GSK3B: variants seen among roughly 807,000 people sequenced by gnomAD.
The protein encoded by GSK3B is glycogen synthase kinase 3 beta, also known as glycogen synthase kinase-3 beta.
In GSK3B, 15 loss-of-function variants were observed where a neutral mutation model predicts 56.4. That is an observed-to-expected ratio of 0.27 (90% CI 0.18 to 0.41). The LOEUF (loss-of-function observed/expected upper bound fraction) is 0.41, where lower values mean the gene tolerates loss of function less well. GSK3B is among the 10% of genes least tolerant of loss of function. The probability of loss-of-function intolerance (pLI) is 1.00; values close to 1 mark genes in which losing one functional copy is unlikely to be tolerated. For missense variants in GSK3B, 300 were observed against 513.4 expected (o/e 0.58, Z 4.02); for synonymous variants, 181 against 188.9 (o/e 0.96, Z 0.34).
intron 3 of GSK3B, among the ~76,000 whole-genome samples, chr3:119,932,368 G>C (rs897030590): frequency 1.3e-5 from 2 of 152,086 alleles, no homozygotes; most frequent in African/African-American, 4.8e-5. Context: ...TGTGGATTAG[G>C]TAAGAGAATA....
chr3:119,928,527 C>A (rs2056909713), intron 3 of GSK3B, among the ~76,000 whole-genome samples: 1 of 147,136 alleles, frequency 6.8e-6, no homozygotes, highest in African/African-American at 2.5e-5. Flanking sequence ...ATCGCTTGAA[C>A]CCAGGAGGCA....
rs777401016 is a variant in GSK3B, at chr3:119,826,371, A to T, written c.*417T>A. ...GTGCACTATACCAAAGTCTCACACT[A>T]GACTTTAAAAGAAAACAAAGTTCAA... On this transcript the variant is annotated 3_prime_UTR_variant, in exon 11 of 11. Transcript: ENST00000264235. 6.6e-5 allele frequency: 27 copies of T among 410,216 alleles called. No homozygotes were observed. Among genetic ancestry groups the T allele is most frequent in the Non-Finnish European group, 1.1e-4 (25 of 221,132 alleles). 25.4% of individuals were successfully genotyped at this position (410,216 alleles called of 1,614,324 possible).
At chr3:119,879,529 C>T (rs1016798004) in intron 7 of GSK3B, among the ~76,000 whole-genome samples, 12 of 151,908 alleles carry the variant, frequency 7.9e-5, no homozygotes, top group Admixed American at 3.9e-4. Flanking sequence ...AGGTATTTTT[C>T]GATATTTAAT....
intron 5 of GSK3B, among the ~76,000 whole-genome samples, chr3:119,914,756 G>A (rs1173293986): frequency 6.6e-6 from 1 of 152,028 alleles, no homozygotes; most frequent in Non-Finnish European, 1.5e-5. Context: ...TGACAGAACA[G>A]ATTTACTTAT....
intron 1 of GSK3B, among the ~76,000 whole-genome samples, chr3:120,006,320 C>G (rs1057415914): frequency 4.6e-5 from 7 of 152,182 alleles, no homozygotes; most frequent in Admixed American, 3.9e-4. Context: ...TAATGGGAGA[C>G]TTTAACACCC....
intron 8 of GSK3B, among the ~76,000 whole-genome samples, chr3:119,865,461 TATA>T: frequency 5.0e-5 from 1 of 19,916 alleles, no homozygotes; most frequent in Non-Finnish European, 1.2e-4. Flanking sequence ...TATATATATA[TATA>T]TATTTTTTTT....
chr3:119,846,968 T>G (rs1467036997), intron 9 of GSK3B, among the ~76,000 whole-genome samples: 1 of 152,156 alleles, frequency 6.6e-6, no homozygotes, highest in Non-Finnish European at 1.5e-5. Context: ...AAAAAAAGAA[T>G]GAGTTCATGT....
At chr3:120,069,692 A>G (rs924250931) in intron 1 of GSK3B, among the ~76,000 whole-genome samples, 1 of 152,176 alleles carries the variant, frequency 6.6e-6, no homozygotes, top group African/African-American at 2.4e-5. Context: ...CAGTCTAAAA[A>G]TATTAACTAT....
chr3:120,057,266 T>C (rs923246537), intron 1 of GSK3B, among the ~76,000 whole-genome samples: 2 of 152,174 alleles, frequency 1.3e-5, no homozygotes, highest in Non-Finnish European at 2.9e-5. Flanking sequence ...TTAATAAGAA[T>C]TTAGAAAAAC....
intron 2 of GSK3B, among the ~76,000 whole-genome samples, chr3:119,960,721 C>T (rs1446133256): frequency 6.6e-6 from 1 of 152,200 alleles, no homozygotes; most frequent in African/African-American, 2.4e-5. Flanking sequence ...AACATTTACT[C>T]TCAGCAATCC....
At chr3:120,077,738 T>C (rs2058379600) in intron 1 of GSK3B, among the ~76,000 whole-genome samples, 1 of 152,148 alleles carries the variant, frequency 6.6e-6, no homozygotes, top group Non-Finnish European at 1.5e-5. Flanking sequence ...ATATGTATCA[T>C]ATTAACATCA....
Position 119,936,217 on chromosome 3 carries a change from A to G in GSK3B, c.366+11051T>C, listed in dbSNP as rs189430576. 3.4e-3 allele frequency among the ~76,000 whole-genome samples: 521 copies of G among 151,590 alleles called. 4 individuals are homozygous for G. Among genetic ancestry groups the G allele is most frequent in the African/African-American group, 0.012 (510 of 41,402 alleles). ...TCTCTTCTAGTAAGCATTTATCTGC[A>G]TTTATCTCTTCTGTACTAGAGACTC... On this transcript the variant is annotated intron_variant, in intron 3 of 10. Coordinates refer to ENST00000264235, the MANE Select transcript of GSK3B (RefSeq NM_001146156.2).
chr3:120,078,169 A>G (rs2058382609), intron 1 of GSK3B, among the ~76,000 whole-genome samples: 1 of 152,186 alleles, frequency 6.6e-6, no homozygotes, highest in African/African-American at 2.4e-5. Context: ...CCTATGGTCC[A>G]CAGCAGCATT....
intron 8 of GSK3B, among the ~76,000 whole-genome samples, chr3:119,867,042 G>C (rs1201412706): frequency 6.6e-6 from 1 of 152,054 alleles, no homozygotes; most frequent in Non-Finnish European, 1.5e-5. Flanking sequence ...GGCTGGGAGG[G>C]GGCATATTAG....
At chr3:120,009,680 G>A (rs1007483012) in intron 1 of GSK3B, among the ~76,000 whole-genome samples, 13 of 152,046 alleles carry the variant, frequency 8.6e-5, no homozygotes, top group Non-Finnish European at 1.6e-4. Flanking sequence ...TCACACACCA[G>A]GGTCTGTGGG....
intron 2 of GSK3B, among the ~76,000 whole-genome samples, chr3:119,952,778 A>C (rs76119441): frequency 6.6e-6 from 1 of 152,132 alleles, no homozygotes; most frequent in East Asian, 1.9e-4. Flanking sequence ...GTATTCTTCA[A>C]GCAAGAAAGG....
At chr3:119,848,326 A>G (rs2055883577) in intron 9 of GSK3B, among the ~76,000 whole-genome samples, 2 of 152,234 alleles carry the variant, frequency 1.3e-5, no homozygotes, top group Non-Finnish European at 2.9e-5. Context: ...AATCATAACC[A>G]TAACAAGCTA....
intron 4 of GSK3B, among the ~76,000 whole-genome samples, chr3:119,919,668 T>G (rs2056818130): frequency 6.6e-6 from 1 of 152,066 alleles, no homozygotes; most frequent in East Asian, 1.9e-4. Context: ...ATGCCAGATA[T>G]CTAGCTCAAC....
intron 10 of GSK3B, among the ~76,000 whole-genome samples, chr3:119,830,001 T>C (rs552780927): frequency 1.4e-4 from 22 of 152,210 alleles, no homozygotes; most frequent in Non-Finnish European, 2.8e-4. Context: ...AAATCACACA[T>C]GTCCTTGCTG....
Sources: allele counts gnomAD v4.1 joint callset (sites outside exome capture counted in the v4.1 genomes callset), GRCh38; gene constraint gnomAD v4.1.1; transcripts MANE v1.5; gene names NCBI Gene and HGNC (gene_info 2026-07-23, HGNC 2026-07-21).